Variants in AGPAT3 observed in about 807,000 individuals in gnomAD.
AGPAT3 encodes the protein 1-acyl-sn-glycerol-3-phosphate acyltransferase gamma.
A neutral mutation model predicts 47.3 loss-of-function variants in AGPAT3; 5 were observed. The observed-to-expected ratio is 0.11, with a 90% confidence interval of 0.06 to 0.22. AGPAT3 has a LOEUF of 0.22. Among genes scored for constraint, AGPAT3 ranks in the 10% least tolerant of loss-of-function variants. The pLI, the probability that AGPAT3 is intolerant of heterozygous loss-of-function variation, is 1.00. For missense variants in AGPAT3, 315 were observed against 493.0 expected (o/e 0.64, Z 3.42); for synonymous variants, 212 against 208.3 (o/e 1.02, Z -0.15).
At chr21:43,928,099 C>T (rs749605835) in intron 2 of AGPAT3, among the ~76,000 whole-genome samples, 3 of 152,300 alleles carry the variant, frequency 2.0e-5, no homozygotes, top group Admixed American at 6.5e-5. Flanking sequence ...AGCTCCCGGA[C>T]GCAGCAGAAA....
chr21:43,963,362 G>T (rs2088967725), intron 3 of AGPAT3, among the ~76,000 whole-genome samples: 1 of 152,122 alleles, frequency 6.6e-6, no homozygotes, highest in African/African-American at 2.4e-5. Context: ...ACCAAGCAGA[G>T]CGAATGCACA....
chr21:43,925,064 G>A (rs1474645065), intron 2 of AGPAT3: 1 of 152,216 alleles, frequency 6.6e-6, no homozygotes, highest in Non-Finnish European at 1.5e-5. Flanking sequence ...TGTGGGGCCT[G>A]GTCATATCCT....
chr21:43,879,347 CAAAAAAAAAAAAA>C (rs34630760), intron 1 of AGPAT3, among the ~76,000 whole-genome samples: 25 of 71,698 alleles, frequency 3.5e-4, no homozygotes, highest in African/African-American at 1.2e-3. Flanking sequence ...GACTCTATCT[CAAAAAAAAAAAAA>C]AAAAAAAAAA....
chr21:43,898,677 C>A (rs2145987836), intron 1 of AGPAT3, among the ~76,000 whole-genome samples: 1 of 152,276 alleles, frequency 6.6e-6, no homozygotes, highest in Middle Eastern at 3.4e-3. Flanking sequence ...CAGGCACCCA[C>A]CATCATGCCC....
Position 43,940,779 on chromosome 21 carries a change from C to T in AGPAT3, c.-48-18855C>T, listed in dbSNP as rs531324295. 5.4e-4 allele frequency among the ~76,000 whole-genome samples: 82 copies of T among 152,366 alleles called. 2 individuals are homozygous for T. Among genetic ancestry groups the T allele is most frequent in the African/African-American group, 1.9e-3 (77 of 41,590 alleles). ...GGCGCTGCTCTGTCACACCCATTGC[C>T]TGATGGGCTGGTTTATGGTGATCGC... On this transcript the variant is annotated intron_variant, in intron 2 of 9. Transcript: ENST00000291572.
At chr21:43,878,115 C>G (rs1179975411) in intron 1 of AGPAT3, among the ~76,000 whole-genome samples, 1 of 152,140 alleles carries the variant, frequency 6.6e-6, no homozygotes, top group Non-Finnish European at 1.5e-5. Context: ...TCAGCCCCCA[C>G]CCGTGATGAC....
rs767527224 is a variant in AGPAT3 at position 43,986,072 on chromosome 21, C to A, written c.*3680C>A. The A allele has an allele frequency of 1.3e-5, 2 of 152,266 alleles. No individual in the cohort carries two copies. The highest frequency in any genetic ancestry group is 1.3e-4 in the Admixed American group (2 of 15,288). 9.4% of individuals were successfully genotyped at this position (152,266 alleles called of 1,614,324 possible). A position where few individuals can be genotyped will look rare whatever the true frequency, so the allele number is the denominator to read the frequency against. ...CTGCCCCATACCCCTGCCGTGGGGCCGACCTGGGGGATGCAGACATCCGGC... is the reference window on the plus strand; with the variant it reads ...CTGCCCCATACCCCTGCCGTGGGGCAGACCTGGGGGATGCAGACATCCGGC... On this transcript the variant is annotated 3_prime_UTR_variant, in exon 10 of 10. Coordinates refer to ENST00000291572, the MANE Select transcript of AGPAT3 (RefSeq NM_020132.5).
intron 2 of AGPAT3, among the ~76,000 whole-genome samples, chr21:43,957,479 C>T (rs1210819583): frequency 1.4e-5 from 2 of 147,306 alleles, no homozygotes; most frequent in African/African-American, 5.1e-5. Context: ...CCCCTCCACA[C>T]GGGGGGTCTC....
chr21:43,896,647 C>T (rs1013091264), intron 1 of AGPAT3, among the ~76,000 whole-genome samples: 3 of 152,172 alleles, frequency 2.0e-5, no homozygotes, highest in African/African-American at 7.2e-5. Context: ...TCGAGTTTTG[C>T]TTTATATACT....
At chr21:43,866,987 C>T (rs1179696089) in intron 1 of AGPAT3, among the ~76,000 whole-genome samples, 1 of 152,226 alleles carries the variant, frequency 6.6e-6, no homozygotes, top group African/African-American at 2.4e-5. Context: ...AGGCTGGGGC[C>T]CCAGTGCAGA....
chr21:43,909,970 C>T (rs895291088), intron 2 of AGPAT3, among the ~76,000 whole-genome samples: 2 of 152,172 alleles, frequency 1.3e-5, no homozygotes, highest in Non-Finnish European at 2.9e-5. Flanking sequence ...TGCCCCAGGA[C>T]ACCCTGGACT....
At chr21:43,963,251 C>T (rs879457277) in intron 3 of AGPAT3, among the ~76,000 whole-genome samples, 21 of 152,140 alleles carry the variant, frequency 1.4e-4, no homozygotes, top group Non-Finnish European at 2.8e-4. Context: ...GCCCCCATCC[C>T]CAAAGGAGAG....
chr21:43,980,005 A>G (rs2089782365), intron 8 of AGPAT3, among the ~76,000 whole-genome samples: 1 of 152,138 alleles, frequency 6.6e-6, no homozygotes, highest in South Asian at 2.1e-4. Flanking sequence ...CGGGTCGGCC[A>G]GGTGTGGTGG....
At chr21:43,953,290 T>G (rs1000665354) in intron 2 of AGPAT3, among the ~76,000 whole-genome samples, 1 of 152,064 alleles carries the variant, frequency 6.6e-6, no homozygotes, top group Non-Finnish European at 1.5e-5. Context: ...CTGGGGACAG[T>G]TGGTGAAATG....
chr21:43,977,972 G>A (rs2089683345), intron 7 of AGPAT3, 74 bp from the exon 8 acceptor site: 1 of 1,249,712 alleles, frequency 8.0e-7, no homozygotes, highest in Non-Finnish European at 1.2e-6. Flanking sequence ...CACACGACAT[G>A]TTCCCCTGTG....
In AGPAT3 at chr21:43,939,311, C is replaced by T. The variant is rs953765898; in HGVS notation, c.-48-20323C>T. Among the ~76,000 whole-genome samples the T allele has an allele frequency of 1.3e-5, 2 of 152,162 alleles. No individual in the cohort carries two copies. Among genetic ancestry groups the T allele is most frequent in the African/African-American group, 4.8e-5 (2 of 41,428 alleles). On this transcript the variant is annotated intron_variant, in intron 2 of 9. Transcript: ENST00000291572. The surrounding 1 kb of genome is among the most constrained non-coding windows in gnomAD (Gnocchi z 4.4). The stretch of plus-strand genomic sequence containing the variant: ...GGGCGCTCCCTTGATAACACCCCAC[C>T]CCCGTCGCTGTTGTTGTCGGGGGCC...
At chr21:43,913,872 G>A (rs1195440130) in intron 2 of AGPAT3, among the ~76,000 whole-genome samples, 3 of 152,102 alleles carry the variant, frequency 2.0e-5, no homozygotes, top group African/African-American at 4.8e-5. Context: ...ATATACACTA[G>A]GTAAGAAATT....
chr21:43,889,088 C>T (rs1030423890), intron 1 of AGPAT3, among the ~76,000 whole-genome samples: 2 of 152,074 alleles, frequency 1.3e-5, no homozygotes, highest in Non-Finnish European at 2.9e-5. Context: ...TTTTGAAGTG[C>T]ACAGTCATGT....
intron 2 of AGPAT3, among the ~76,000 whole-genome samples, chr21:43,914,861 TA>T (rs2086694843): frequency 6.6e-6 from 1 of 152,188 alleles, no homozygotes; most frequent in African/African-American, 2.4e-5. Flanking sequence ...TTTAATTCTG[TA>T]AAAACAAGTC....
Sources: gnomAD v4.1 joint callset for allele counts (sites outside exome capture counted in the v4.1 genomes callset) on GRCh38, gnomAD v4.1.1 for gene constraint, Gnocchi (gnomAD v3.1) non-coding constraint, MANE v1.5 for transcripts, NCBI Gene and HGNC (gene_info 2026-07-23, HGNC 2026-07-21) for gene names.